GALNT13: variants seen among roughly 807,000 people sequenced by gnomAD.
GALNT13 encodes the protein polypeptide N-acetylgalactosaminyltransferase 13.
A neutral mutation model predicts 64.2 loss-of-function variants in GALNT13; 28 were observed. That is an observed-to-expected ratio of 0.44 (90% CI 0.32 to 0.60). The LOEUF (loss-of-function observed/expected upper bound fraction) is 0.60, where lower values mean the gene tolerates loss of function less well. Among genes scored for constraint, GALNT13 ranks in the 20% least tolerant of loss-of-function variants. The probability of loss-of-function intolerance (pLI) is 0.05; values close to 1 mark genes in which losing one functional copy is unlikely to be tolerated. For missense variants in GALNT13, 577 were observed against 669.8 expected (o/e 0.86, Z 1.53); for synonymous variants, 214 against 224.6 (o/e 0.95, Z 0.42).
intron 9 of GALNT13, among the ~76,000 whole-genome samples, chr2:154,330,991 T>A (rs904930683): frequency 6.6e-6 from 1 of 152,074 alleles, no homozygotes; most frequent in East Asian, 1.9e-4. Context: ...ACAAAAGATA[T>A]AGGAGTAAAC....
intron 3 of GALNT13, among the ~76,000 whole-genome samples, chr2:154,030,018 A>G (rs895799031): frequency 2.6e-5 from 4 of 152,136 alleles, no homozygotes; most frequent in Admixed American, 1.3e-4. Flanking sequence ...GTGTATTTGC[A>G]ATCTTCTGGG....
chr2:153,735,822 T>A, the GALNT13 span, among the ~76,000 whole-genome samples: 1 of 152,222 alleles, frequency 6.6e-6, no homozygotes. Context: ...ACAGAAGTGA[T>A]GCTGTGTTCA....
intron 3 of GALNT13, among the ~76,000 whole-genome samples, chr2:154,124,762 A>G (rs373020954): frequency 2.0e-5 from 3 of 152,276 alleles, no homozygotes; most frequent in African/African-American, 7.2e-5. Context: ...AAATCGATTA[A>G]GAATATATTG....
intron 4 of GALNT13, among the ~76,000 whole-genome samples, chr2:154,189,802 A>G (rs986698382): frequency 2.0e-5 from 3 of 152,164 alleles, no homozygotes; most frequent in African/African-American, 7.2e-5. Context: ...GTAGGATAAG[A>G]ATGGATTAGT....
At chr2:153,251,521 C>A in the GALNT13 span, among the ~76,000 whole-genome samples, 1 of 151,878 alleles carries the variant, frequency 6.6e-6, no homozygotes, top group Non-Finnish European at 1.5e-5. Context: ...GCACAATGTG[C>A]AGGTAAGTTA....
chr2:154,108,583 T>C (rs1702755910), intron 3 of GALNT13, among the ~76,000 whole-genome samples: 1 of 152,142 alleles, frequency 6.6e-6, no homozygotes, highest in African/African-American at 2.4e-5. Context: ...AGCTTTTAAA[T>C]GTGATGTAAT....
chr2:153,252,275 A>C, the GALNT13 span, among the ~76,000 whole-genome samples: 5 of 116,448 alleles, frequency 4.3e-5, no homozygotes, highest in Non-Finnish European at 7.1e-5. Flanking sequence ...TCTTCTTTTG[A>C]GAAGTGTCTG....
the GALNT13 span, among the ~76,000 whole-genome samples, chr2:153,540,940 T>C: frequency 1.3e-5 from 2 of 152,302 alleles, no homozygotes; most frequent in East Asian, 3.9e-4. Context: ...ACTTGGACTT[T>C]TGGCTTAATG....
At chr2:153,477,257 T>C in the GALNT13 span, 1 of 152,586 alleles carries the variant, frequency 6.6e-6, no homozygotes, top group South Asian at 2.1e-4. Context: ...TTAATTGCCC[T>C]GGCCGGGAGC....
At chr2:153,903,617 G>A (rs1423293844) in intron 2 of GALNT13, among the ~76,000 whole-genome samples, 1 of 151,886 alleles carries the variant, frequency 6.6e-6, no homozygotes, top group Non-Finnish European at 1.5e-5. Context: ...GTTATTAATA[G>A]TACTGTGTCT....
intron 1 of GALNT13, among the ~76,000 whole-genome samples, chr2:153,894,013 G>A (rs1340508808): frequency 6.6e-6 from 1 of 152,090 alleles, no homozygotes; most frequent in African/African-American, 2.4e-5. Context: ...AGTGAATAAA[G>A]CAGAAGTGTT....
At chr2:153,340,203 A>G in the GALNT13 span, among the ~76,000 whole-genome samples, 2 of 152,156 alleles carry the variant, frequency 1.3e-5, no homozygotes, top group East Asian at 1.9e-4. Flanking sequence ...CATTTTTACA[A>G]TATTAATTCT....
chr2:153,194,097 A>C, the GALNT13 span, among the ~76,000 whole-genome samples: 1 of 152,144 alleles, frequency 6.6e-6, no homozygotes, highest in Non-Finnish European at 1.5e-5. Context: ...TTATATATTT[A>C]AGGATCTCTG....
chr2:153,981,471 G>T (rs1345172344), intron 3 of GALNT13, among the ~76,000 whole-genome samples: 4 of 151,834 alleles, frequency 2.6e-5, no homozygotes, highest in Non-Finnish European at 5.9e-5. Flanking sequence ...GCGGTGTTTG[G>T]TTTTTTTGTT....
chr2:153,954,026 G>GT (rs1409943680), intron 3 of GALNT13, among the ~76,000 whole-genome samples: 2 of 151,836 alleles, frequency 1.3e-5, no homozygotes, highest in East Asian at 1.9e-4. Context: ...TTCTATTTTT[G>GT]TTTTTTAAAA....
intron 9 of GALNT13, among the ~76,000 whole-genome samples, chr2:154,305,930 T>C (rs1444257289): frequency 3.3e-5 from 5 of 152,176 alleles, no homozygotes; most frequent in Non-Finnish European, 7.3e-5. Context: ...AAAAATTTTG[T>C]TGAATAACTG....
the GALNT13 span, among the ~76,000 whole-genome samples, chr2:153,569,261 G>C: frequency 6.6e-6 from 1 of 151,964 alleles, no homozygotes; most frequent in South Asian, 2.1e-4. Flanking sequence ...ATTCCAGCCT[G>C]TACGTTCATG....
At chr2:154,191,921 T>C (rs921591183) in intron 4 of GALNT13, among the ~76,000 whole-genome samples, 34 of 152,200 alleles carry the variant, frequency 2.2e-4, no homozygotes, top group South Asian at 2.1e-4. Context: ...GGGCTTTCTG[T>C]ATCCCAGGGT....
At chr2:153,248,572 G>C in the GALNT13 span, among the ~76,000 whole-genome samples, 1 of 151,960 alleles carries the variant, frequency 6.6e-6, no homozygotes, top group South Asian at 2.1e-4. Flanking sequence ...CCAGCACTTT[G>C]GGAGGCTGAG....
Sources: gnomAD v4.1 joint callset for allele counts (sites outside exome capture counted in the v4.1 genomes callset) on GRCh38, gnomAD v4.1.1 for gene constraint, MANE v1.5 for transcripts, NCBI Gene and HGNC (gene_info 2026-07-23, HGNC 2026-07-21) for gene names.